Variants in ATF6 observed in about 807,000 individuals in gnomAD.
The protein encoded by ATF6 is cyclic AMP-dependent transcription factor ATF-6 alpha.
A neutral mutation model predicts 83.6 loss-of-function variants in ATF6; 53 were observed. The ratio of observed to expected loss-of-function variants is 0.63; its 90% CI spans 0.51 to 0.80. ATF6 has a LOEUF of 0.80. Ranked by LOEUF, ATF6 falls within the 30% of genes least tolerant of loss-of-function variation. The probability of loss-of-function intolerance (pLI) is 0.00; values close to 1 mark genes in which losing one functional copy is unlikely to be tolerated. For synonymous variants in ATF6, 288 were observed against 285.8 expected, an observed-to-expected ratio of 1.01 and a Z score of -0.08; for missense variants, 744 against 797.9, an observed-to-expected ratio of 0.93 and a Z score of 0.81.
intron 9 of ATF6, among the ~76,000 whole-genome samples, chr1:161,833,868 A>G (rs539803430): frequency 6.6e-6 from 1 of 152,330 alleles, no homozygotes; most frequent in East Asian, 1.9e-4. Context: ...CCAATCTAGC[A>G]AGGCAGGCCA....
At chr1:161,955,644 A>G (rs1008682968) in intron 15 of ATF6, among the ~76,000 whole-genome samples, 4 of 152,218 alleles carry the variant, frequency 2.6e-5, no homozygotes, top group Non-Finnish European at 4.4e-5. Context: ...ATAATGTCTC[A>G]TACAGTAGAC....
chr1:161,837,443 T>C (rs550814535), intron 9 of ATF6, among the ~76,000 whole-genome samples: 43 of 152,332 alleles, frequency 2.8e-4, no homozygotes, highest in African/African-American at 9.1e-4. Flanking sequence ...TGAACATAAA[T>C]TGGCCTTAGT....
intron 9 of ATF6, among the ~76,000 whole-genome samples, chr1:161,835,973 C>T (rs1206719335): frequency 1.3e-5 from 2 of 152,128 alleles, no homozygotes; most frequent in African/African-American, 2.4e-5. Context: ...GTTAATGCTG[C>T]GCCCTCACTA....
intron 14 of ATF6, chr1:161,891,068 C>G (rs1687544892): frequency 6.6e-6 from 1 of 152,224 alleles, no homozygotes; most frequent in Admixed American, 6.5e-5. Context: ...AGCTGAATAG[C>G]CGAGTTCAGG....
chr1:161,888,577 T>C (rs1321968582), intron 14 of ATF6, among the ~76,000 whole-genome samples: 1 of 152,192 alleles, frequency 6.6e-6, no homozygotes, highest in Non-Finnish European at 1.5e-5. Context: ...TAGTGTTTAA[T>C]TCTACCTTTT....
At chr1:161,879,268 G>A (rs180810182) in intron 14 of ATF6, among the ~76,000 whole-genome samples, 13 of 152,232 alleles carry the variant, frequency 8.5e-5, no homozygotes, top group Non-Finnish European at 4.4e-5. Context: ...TAAGCAGAGA[G>A]GCACAAGTAT....
At chr1:161,874,728 T>C (rs942425439) in intron 14 of ATF6, among the ~76,000 whole-genome samples, 5 of 151,692 alleles carry the variant, frequency 3.3e-5, no homozygotes, top group Non-Finnish European at 7.4e-5. Flanking sequence ...CTTTTGAATA[T>C]CTATTCTAGT....
chr1:161,869,354 G>T (rs1176816787), intron 14 of ATF6, among the ~76,000 whole-genome samples: 1 of 151,710 alleles, frequency 6.6e-6, no homozygotes, highest in Non-Finnish European at 1.5e-5. Flanking sequence ...ATCTTCAGAG[G>T]CAGGAGGAAT....
At position 161,837,573 on chromosome 1, in the gene ATF6, C is replaced by G. The variant is rs534656106; in HGVS notation, c.1188-8876C>G. The stretch of plus-strand genomic sequence containing the variant: ...CTGTCTCAGCCCTTTCCCAGAATTC[C>G]CAATAAAGCAGATTTCTCAATTACT... On this transcript the variant is annotated intron_variant, in intron 9 of 15. Transcript: ENST00000367942. Among the ~76,000 whole-genome samples, 13 of 152,094 alleles carry G rather than the reference C, an allele frequency of 8.5e-5. No individual in the cohort carries two copies. The South Asian group carries it at 2.7e-3, about 32-fold the overall frequency.
chr1:161,923,443 C>G (rs1688254334), intron 15 of ATF6, among the ~76,000 whole-genome samples: 2 of 152,158 alleles, frequency 1.3e-5, no homozygotes, highest in Non-Finnish European at 2.9e-5. Context: ...CCATTTTTAA[C>G]TCTTCCCAAA....
intron 12 of ATF6, among the ~76,000 whole-genome samples, chr1:161,858,127 A>G (rs1686805595): frequency 6.6e-6 from 1 of 152,176 alleles, no homozygotes; most frequent in Non-Finnish European, 1.5e-5. Context: ...AAGAAAAAAT[A>G]TAGCTAAAAA....
At position 161,766,597 on chromosome 1, in the gene ATF6, T is replaced by G. The variant is rs187071091; in HGVS notation, c.82+155T>G. 5.3e-5 allele frequency among the ~76,000 whole-genome samples: 8 copies of G among 152,314 alleles called. No homozygotes were observed. In the East Asian group the frequency reaches 1.3e-3, roughly 26 times the overall value. ...TCCTGTTCGTGCCCCTGGAAGAGTCTGGGAGTATCGTTCGGCTTCTGTCCT... is the reference window on the plus strand; with the variant it reads ...TCCTGTTCGTGCCCCTGGAAGAGTCGGGGAGTATCGTTCGGCTTCTGTCCT... On this transcript the variant is annotated intron_variant, in intron 1 of 15. Transcript: ENST00000367942.
chr1:161,899,205 A>G (rs1051672898), intron 14 of ATF6, among the ~76,000 whole-genome samples: 5 of 152,222 alleles, frequency 3.3e-5, no homozygotes, highest in Non-Finnish European at 5.9e-5. Context: ...AATAATATAA[A>G]TATTTTAAAG....
At chr1:161,827,036 ATTCTCCTGCCTCAGCC>A (rs1685920119) in intron 9 of ATF6, among the ~76,000 whole-genome samples, 1 of 149,508 alleles carries the variant, frequency 6.7e-6, no homozygotes, top group Non-Finnish European at 1.5e-5. Context: ...GGTTCAAGCG[ATTCTCCTGCCTCAGCC>A]TCCCGAGTAG....
chr1:161,837,901 G>T (rs1686261646), intron 9 of ATF6, among the ~76,000 whole-genome samples: 1 of 152,212 alleles, frequency 6.6e-6, no homozygotes, highest in South Asian at 2.1e-4. Flanking sequence ...CTAGTGCCAT[G>T]AGGCAGGTAT....
At chr1:161,900,407 G>GA (rs1180442399) in intron 14 of ATF6, among the ~76,000 whole-genome samples, 5 of 152,104 alleles carry the variant, frequency 3.3e-5, no homozygotes, top group Non-Finnish European at 7.4e-5. Context: ...CAGATGACAT[G>GA]AAAAGAGACC....
chr1:161,860,127 G>T, intron 12 of ATF6, 80 bp from the exon 13 acceptor site: 2 of 879,154 alleles, frequency 2.3e-6, no homozygotes, highest in Non-Finnish European at 3.3e-6. Context: ...ACAAATTTAA[G>T]TATAGAATGA....
intron 9 of ATF6, among the ~76,000 whole-genome samples, chr1:161,836,806 A>G (rs1428691773): frequency 6.6e-6 from 1 of 152,136 alleles, no homozygotes; most frequent in East Asian, 1.9e-4. Flanking sequence ...CCCACACTTC[A>G]TTGTTGTAAT....
intron 15 of ATF6, among the ~76,000 whole-genome samples, chr1:161,949,983 A>C (rs1420404657): frequency 4.6e-5 from 7 of 152,238 alleles, no homozygotes; most frequent in Non-Finnish European, 2.9e-5. Flanking sequence ...TTCTGACTGC[A>C]TATAAGAGAA....
Sources: allele counts gnomAD v4.1 joint callset (sites outside exome capture counted in the v4.1 genomes callset), GRCh38; gene constraint gnomAD v4.1.1; transcripts MANE v1.5; gene names NCBI Gene and HGNC (gene_info 2026-07-23, HGNC 2026-07-21).